The following STAG1 variants were observed in gnomAD, a reference collection of about 807,000 sequenced individuals.
STAG1 encodes the protein cohesin subunit SA-1.
In STAG1, 26 loss-of-function variants were observed where a neutral mutation model predicts 170.9. That is an observed-to-expected ratio of 0.15 (90% CI 0.11 to 0.21). STAG1 has a LOEUF of 0.21. Ranked by LOEUF, STAG1 falls within the 10% of genes least tolerant of loss-of-function variation. The probability of loss-of-function intolerance (pLI) is 1.00; values close to 1 mark genes in which losing one functional copy is unlikely to be tolerated. For synonymous variants in STAG1, 514 were observed against 497.7 expected (o/e 1.03, Z -0.44); for missense variants, 964 against 1,509.5 (o/e 0.64, Z 5.99).
At position 136,733,257 on chromosome 3, in the gene STAG1, G is replaced by C. The variant is rs560570975; in HGVS notation, c.-84+18938C>G. Among the ~76,000 whole-genome samples, 4 of 151,716 alleles carry C rather than the reference G, an allele frequency of 2.6e-5. No individual in the cohort carries two copies. In the East Asian group the frequency reaches 5.8e-4, roughly 22 times the overall value. ...GAGCCACCATGCCTGGCTAATTTTT[G>C]TATTTTTTTGTAGAGACAGGGTTTC... On this transcript the variant is annotated intron_variant, in intron 1 of 33. Transcript: ENST00000383202.
chr3:136,608,258 C>CA (rs397875177), intron 3 of STAG1, among the ~76,000 whole-genome samples: 10,764 of 124,828 alleles, frequency 0.086, 481 homozygotes, highest in Middle Eastern at 0.15. Context: ...GACTCCATCT[C>CA]AAAAAAAAAA....
At chr3:136,613,325 A>AG (rs1210864803) in intron 3 of STAG1, among the ~76,000 whole-genome samples, 1 of 150,636 alleles carries the variant, frequency 6.6e-6, no homozygotes, top group African/African-American at 2.4e-5. Context: ...AAAAAAAAAA[A>AG]AAAAAAAAAA....
At chr3:136,612,925 G>GT (rs1939377746) in intron 3 of STAG1, among the ~76,000 whole-genome samples, 1 of 152,160 alleles carries the variant, frequency 6.6e-6, no homozygotes. Flanking sequence ...GGAACTTTGA[G>GT]TAAGACTATG....
chr3:136,340,154 A>ATTCC (rs1935909134), intron 32 of STAG1, among the ~76,000 whole-genome samples: 1 of 151,502 alleles, frequency 6.6e-6, no homozygotes, highest in Non-Finnish European at 1.5e-5. Flanking sequence ...TAAGAGGATA[A>ATTCC]TTTTTTTTTG....
At chr3:136,548,110 T>C (rs1015316868) in intron 5 of STAG1, among the ~76,000 whole-genome samples, 9 of 151,428 alleles carry the variant, frequency 5.9e-5, no homozygotes, top group South Asian at 2.1e-4. Context: ...TGCCAAACTG[T>C]TTTGTTTTGT....
chr3:136,566,831 A>G (rs889924868), intron 5 of STAG1, among the ~76,000 whole-genome samples: 4 of 152,198 alleles, frequency 2.6e-5, no homozygotes, highest in African/African-American at 9.6e-5. Flanking sequence ...AAGACTACAA[A>G]TAACACACTG....
chr3:136,498,207 AAAT>A (rs1933227175), intron 9 of STAG1, among the ~76,000 whole-genome samples: 1 of 22,246 alleles, frequency 4.5e-5, no homozygotes, highest in Admixed American at 9.5e-4. Flanking sequence ...AAAAAAAAAA[AAAT>A]TATATATATA....
intron 6 of STAG1, among the ~76,000 whole-genome samples, chr3:136,529,022 T>TA (rs548604847): frequency 6.3e-4 from 95 of 150,572 alleles, no homozygotes; most frequent in African/African-American, 2.3e-3. Context: ...TTGAATAAAA[T>TA]AAAAAATACA....
chr3:136,679,563 C>T (rs185501243), intron 1 of STAG1, among the ~76,000 whole-genome samples: 2 of 152,014 alleles, frequency 1.3e-5, no homozygotes, highest in Non-Finnish European at 2.9e-5. Flanking sequence ...CCCGTCTGTA[C>T]TAAAAAGACA....
intron 6 of STAG1, among the ~76,000 whole-genome samples, chr3:136,540,848 A>C (rs866985299): frequency 5.4e-5 from 8 of 147,690 alleles, no homozygotes; most frequent in Admixed American, 2.0e-4. Flanking sequence ...AAAAAAAAAA[A>C]AAAACCTATA....
At chr3:136,696,832 G>A (rs891016929) in intron 1 of STAG1, among the ~76,000 whole-genome samples, 6 of 152,162 alleles carry the variant, frequency 3.9e-5, no homozygotes, top group African/African-American at 4.8e-5. Flanking sequence ...GCAGAACCAC[G>A]AATAAGAAAA....
chr3:136,658,645 A>T (rs979203558), intron 1 of STAG1, among the ~76,000 whole-genome samples: 1 of 152,184 alleles, frequency 6.6e-6, no homozygotes, highest in Non-Finnish European at 1.5e-5. Flanking sequence ...TAACCAACTG[A>T]AGTTTTTACA....
intron 10 of STAG1, among the ~76,000 whole-genome samples, chr3:136,477,070 C>A (rs1010167877): frequency 6.6e-6 from 1 of 152,220 alleles, no homozygotes; most frequent in Non-Finnish European, 1.5e-5. Context: ...AAACTTGGTT[C>A]AAGACAATAT....
chr3:136,439,774 T>C (rs567033876), intron 15 of STAG1, among the ~76,000 whole-genome samples: 96 of 152,318 alleles, frequency 6.3e-4, no homozygotes, highest in African/African-American at 2.3e-3. Flanking sequence ...GTAGATACAG[T>C]TCTGCAACTG....
chr3:136,600,412 AGCATATGCTTTTCT>A, intron 4 of STAG1, among the ~76,000 whole-genome samples: 1 of 152,344 alleles, frequency 6.6e-6, no homozygotes, highest in African/African-American at 2.4e-5. Context: ...CTGGCTATAA[AGCATATGCTTTTCT>A]GCCCTAAACC....
At chr3:136,677,010 G>C (rs1942146932) in intron 1 of STAG1, among the ~76,000 whole-genome samples, 1 of 152,060 alleles carries the variant, frequency 6.6e-6, no homozygotes, top group Non-Finnish European at 1.5e-5. Context: ...TAACACCCAT[G>C]AAGCTGTCAT....
At chr3:136,718,440 C>T (rs749868680) in intron 1 of STAG1, among the ~76,000 whole-genome samples, 2 of 152,146 alleles carry the variant, frequency 1.3e-5, no homozygotes, top group African/African-American at 2.4e-5. Context: ...TTCAAGCAAT[C>T]ATGCTCACCT....
intron 9 of STAG1, among the ~76,000 whole-genome samples, chr3:136,493,002 T>C (rs73226130): frequency 0.061 from 9,254 of 151,220 alleles, 369 homozygotes; most frequent in Non-Finnish European, 0.094. Context: ...ATAAGGGGAG[T>C]TGAGAAAGGA....
intron 4 of STAG1, among the ~76,000 whole-genome samples, chr3:136,588,926 A>G (rs4452980): frequency 0.74 from 112,535 of 151,376 alleles, 41,928 homozygotes; most frequent in East Asian, 0.86. Flanking sequence ...CCACAACCAA[A>G]TAACTTTTGT....
Sources: gnomAD v4.1 joint callset for allele counts (sites outside exome capture counted in the v4.1 genomes callset) on GRCh38, gnomAD v4.1.1 for gene constraint, MANE v1.5 for transcripts, NCBI Gene and HGNC (gene_info 2026-07-23, HGNC 2026-07-21) for gene names.